GUCY2F: variants seen among roughly 807,000 people sequenced by gnomAD.
GUCY2F encodes guanylate cyclase 2F, retinal, also known as retinal guanylyl cyclase 2.
In GUCY2F, 61 loss-of-function variants were observed where a neutral mutation model predicts 73.1. The ratio of observed to expected loss-of-function variants is 0.83; its 90% CI spans 0.68 to 1.03. The LOEUF is 1.03. GUCY2F is among the 50% of genes least tolerant of loss of function. The pLI, the probability that GUCY2F is intolerant of heterozygous loss-of-function variation, is 0.00. For missense variants in GUCY2F, 912 were observed against 854.3 expected, an observed-to-expected ratio of 1.07 and a Z score of -0.84; for synonymous variants, 331 against 307.8, an observed-to-expected ratio of 1.08 and a Z score of -0.79.
At chrX:109,456,370 G>A (rs1363356715) in intron 3 of GUCY2F, among the ~76,000 whole-genome samples, 2 of 111,477 alleles carry the variant, frequency 1.8e-5, no homozygotes, top group Non-Finnish European at 3.8e-5. Flanking sequence ...ACACACACAG[G>A]GCAGCAAGCT....
intron 6 of GUCY2F, among the ~76,000 whole-genome samples, chrX:109,444,712 T>G (rs1931958907): frequency 9.1e-6 from 1 of 110,372 alleles, no homozygotes; most frequent in Non-Finnish European, 1.9e-5. Flanking sequence ...CAATATAGAG[T>G]GGTGGGAATT....
At chrX:109,437,072 A>G (rs1179641810) in intron 7 of GUCY2F, among the ~76,000 whole-genome samples, 1 of 110,974 alleles carries the variant, frequency 9.0e-6, no homozygotes, top group African/African-American at 3.3e-5. Flanking sequence ...CTAATAGAGT[A>G]CTGTTTCAGA....
intron 2 of GUCY2F, among the ~76,000 whole-genome samples, chrX:109,474,005 G>A (rs186282100): frequency 3.6e-5 from 4 of 111,887 alleles, no homozygotes; most frequent in Non-Finnish European, 7.5e-5. Flanking sequence ...TAAACATCAC[G>A]GAATCTTGTC....
At chrX:109,380,687 T>C (rs1182217902) in intron 17 of GUCY2F, among the ~76,000 whole-genome samples, 1 of 111,865 alleles carries the variant, frequency 8.9e-6, no homozygotes, top group Non-Finnish European at 1.9e-5. Flanking sequence ...CAAAGGGCCC[T>C]TTTGAAGTTA....
chrX:109,476,079 A>C, intron 1 of GUCY2F, 58 bp from the exon 2 acceptor site: 1 of 476,710 alleles, frequency 2.1e-6, no homozygotes, highest in Admixed American at 5.0e-5. Flanking sequence ...TCTGGAAATC[A>C]TCGGTTGTGA....
At chrX:109,409,717 A>T (rs559973779) in intron 8 of GUCY2F, among the ~76,000 whole-genome samples, 1 of 111,279 alleles carries the variant, frequency 9.0e-6, no homozygotes, top group South Asian at 3.9e-4. Context: ...ATAGTGAATA[A>T]GTTTCACGAG....
chrX:109,398,683 G>T lies in GUCY2F; in HGVS notation c.2141C>A (p.Ala714Asp), dbSNP rs929453497. ...TCTTGGAGCTCTCAACAGTTCAGGGGCCGTCCACAGCAGCTCTAAAAAGAA... is the reference window on the plus strand; with the variant it reads ...TCTTGGAGCTCTCAACAGTTCAGGGTCCGTCCACAGCAGCTCTAAAAAGAA... ...ESSMEELLWT[A>D]PELLRAPRGS... is the part of the protein sequence containing the mutation. Residue 714 changes from alanine to aspartate, a missense_variant, in exon 11 of 20, where the codon GCC becomes GAC. By Grantham distance (126) the Ala-to-Asp change is moderately radical. Transcript: ENST00000218006. 2 of 1,206,645 alleles carry T rather than the reference G, an allele frequency of 1.7e-6. No individual in the cohort carries two copies. Among genetic ancestry groups the T allele is most frequent in the Non-Finnish European group, 2.2e-6 (2 of 893,125 alleles).
chrX:109,437,222 C>G (rs1931772809), intron 7 of GUCY2F, among the ~76,000 whole-genome samples: 2 of 111,668 alleles, frequency 1.8e-5, no homozygotes, highest in African/African-American at 6.5e-5. Context: ...ACCCTGCCAT[C>G]AGCCTAATAT....
intron 2 of GUCY2F, among the ~76,000 whole-genome samples, chrX:109,471,332 T>C (rs1266927669): frequency 8.9e-6 from 1 of 112,362 alleles, no homozygotes; most frequent in Non-Finnish European, 1.9e-5. Flanking sequence ...AGAGAGGGCT[T>C]AGAATAGCCA....
At chrX:109,475,161 CTT>C (rs1338850387) in intron 2 of GUCY2F, 44 bp downstream of exon 2, 4 of 1,151,473 alleles carry the variant, frequency 3.5e-6, no homozygotes, top group Non-Finnish European at 4.7e-6. Flanking sequence ...ATTGTAATCT[CTT>C]TCCCTGAAGT....
intron 7 of GUCY2F, among the ~76,000 whole-genome samples, chrX:109,437,114 T>C (rs926610864): frequency 9.0e-6 from 1 of 111,642 alleles, no homozygotes; most frequent in East Asian, 2.8e-4. Context: ...CATCTGTTAA[T>C]GCGATTGGCT....
intron 4 of GUCY2F, 128 bp from the exon 5 acceptor site, chrX:109,452,235 T>C (rs1932151384): frequency 2.1e-6 from 1 of 474,397 alleles, no homozygotes; most frequent in African/African-American, 2.4e-5. Flanking sequence ...CTAACCTAAT[T>C]CCATTTTTTC....
rs929305171 is a variant in GUCY2F at position 109,388,535 on chromosome X, C to T, written c.2910G>A (p.Arg970=). 45 of 1,205,353 alleles carry T rather than the reference C, an allele frequency of 3.7e-5. No homozygotes were observed. Among genetic ancestry groups the T allele is most frequent in the Non-Finnish European group, 4.5e-5 (40 of 891,346 alleles). ...TTCGGACCGGCACTTCTGGCATGTG[C>T]CGCATCTTGAAAGTGCCCACAGAGC... ...ILSSVGTFKM[R]HMPEVPVRIR... is the part of the protein sequence containing the mutation. Residue 970 remains arginine (R), a synonymous_variant, in exon 15 of 20, where the codon CGG becomes CGA. Coordinates refer to ENST00000218006, the MANE Select transcript of GUCY2F (RefSeq NM_001522.3).
chrX:109,476,301 C>CAA (rs1932695017), intron 1 of GUCY2F, among the ~76,000 whole-genome samples: 1 of 111,828 alleles, frequency 8.9e-6, no homozygotes, highest in South Asian at 3.8e-4. Flanking sequence ...CCTATTTATT[C>CAA]AACTTCAGTA....
At position 109,453,709 on chromosome X, in the gene GUCY2F, T is replaced by C; in HGVS notation, c.1183A>G (p.Arg395Gly). The C allele has an allele frequency of 8.3e-7, 1 of 1,203,570 alleles. No individual in the cohort carries two copies. Among genetic ancestry groups the C allele is most frequent in the South Asian group, 1.8e-5 (1 of 56,827 alleles). The change falls in exon 4 of 20, where the codon AGG (arginine) becomes GGG (glycine). Residue 395 changes from arginine (R) to glycine (G), a missense_variant. Physicochemically the swap from Arg to Gly is moderately radical, Grantham distance 125. Coordinates refer to ENST00000218006, the MANE Select transcript of GUCY2F (RefSeq NM_001522.3). Reference protein sequence around the residue: ...MQFHGFNQLMRTDSNGNGISE... With the variant: ...MQFHGFNQLMGTDSNGNGISE... ...ATTCCATTTCCATTTGAATCTGTCC[T>C]CATCAACTGGTTGAATCCATGGAAC... is the stretch of plus-strand genomic sequence containing the variant.
chrX:109,409,679 G>A (rs1397769327), intron 8 of GUCY2F, among the ~76,000 whole-genome samples: 1 of 111,053 alleles, frequency 9.0e-6, no homozygotes, highest in Non-Finnish European at 1.9e-5. Context: ...GAATCATGGG[G>A]GCAGGTCTTT....
At chrX:109,436,171 G>A (rs1335624439) in intron 7 of GUCY2F, among the ~76,000 whole-genome samples, 1 of 112,029 alleles carries the variant, frequency 8.9e-6, no homozygotes, top group Non-Finnish European at 1.9e-5. Context: ...GCAGCCAAAA[G>A]ACACATGAAA....
At chrX:109,374,215 G>C (rs963455685) in intron 19 of GUCY2F, among the ~76,000 whole-genome samples, 1 of 111,977 alleles carries the variant, frequency 8.9e-6, no homozygotes, top group African/African-American at 3.2e-5. Context: ...AAATTTGTCA[G>C]GGATGTACTT....
chrX:109,429,873 A>G lies in GUCY2F; in HGVS notation c.1791+434T>C, dbSNP rs374283620. On this transcript the variant is annotated intron_variant, in intron 8 of 19. Transcript: ENST00000218006. ...AAATTACCAGGTGACTGGAAAATGA[A>G]GATTTGGAATGGTGATGGGATATTT... Among the ~76,000 whole-genome samples the G allele has an allele frequency of 7.1e-5, 8 of 112,433 alleles. No homozygotes were observed. In the East Asian group the frequency reaches 8.3e-4, roughly 12 times the overall value.
Sources: allele counts gnomAD v4.1 joint callset (sites outside exome capture counted in the v4.1 genomes callset), GRCh38; gene constraint gnomAD v4.1.1; transcripts MANE v1.5; gene names NCBI Gene and HGNC (gene_info 2026-07-23, HGNC 2026-07-21).